NUDCD2: variants seen among roughly 807,000 people sequenced by gnomAD.
The protein encoded by NUDCD2 is NudC domain containing 2.
Under a neutral mutation model 20.8 loss-of-function variants are expected in NUDCD2, and 16 were observed. That is an observed-to-expected ratio of 0.77 (90% CI 0.52 to 1.17). The LOEUF is 1.17. Ranked by LOEUF, NUDCD2 falls within the 50% of genes most tolerant of loss-of-function variation. The probability of loss-of-function intolerance (pLI) is 0.00; values close to 1 mark genes in which losing one functional copy is unlikely to be tolerated. For missense variants in NUDCD2, 199 were observed against 193.9 expected (o/e 1.03, Z -0.16); for synonymous variants, 87 against 72.8 (o/e 1.20, Z -1.00).
rs771939872 is a variant in NUDCD2 at position 163,459,835 on chromosome 5, T to C, written c.189+27A>G. The C allele has an allele frequency of 1.5e-5, 23 of 1,569,658 alleles. No homozygotes were observed. In the Admixed American group the frequency reaches 4.1e-4, roughly 28 times the overall value. On this transcript the variant is annotated intron_variant, in intron 1 of 3. Transcript: ENST00000302764. Reference sequence around the variant, plus strand: ...CTGGGGGCGTCTGGGAAGAGGAAACTGAACACAAGCCCCGAGCTGCCGCTA... The same window carrying C: ...CTGGGGGCGTCTGGGAAGAGGAAACCGAACACAAGCCCCGAGCTGCCGCTA...
In NUDCD2 at chr5:163,452,922, T is replaced by C. The variant is rs1369636343; in HGVS notation, c.*1045A>G. 6.6e-6 allele frequency: 1 copy of C among 152,250 alleles called. No homozygotes were observed. Among genetic ancestry groups the C allele is most frequent in the Non-Finnish European group, 1.5e-5 (1 of 68,036 alleles). 9.4% of individuals were successfully genotyped at this position (152,250 alleles called of 1,614,324 possible). On this transcript the variant is annotated 3_prime_UTR_variant, in exon 4 of 4. Coordinates refer to ENST00000302764, the MANE Select transcript of NUDCD2 (RefSeq NM_145266.6). ...GACATCTAAATGAAAGGCATGATTCTGACTGGATCCTCTTGCTATATGGAC... is the reference window on the plus strand; with the variant it reads ...GACATCTAAATGAAAGGCATGATTCCGACTGGATCCTCTTGCTATATGGAC...
In NUDCD2 at chr5:163,453,750, C is replaced by T. The variant is rs746261541; in HGVS notation, c.*217G>A. On this transcript the variant is annotated 3_prime_UTR_variant, in exon 4 of 4. Coordinates refer to ENST00000302764, the MANE Select transcript of NUDCD2 (RefSeq NM_145266.6). ...TATAAAACTTCATGCTGAGCAAAAA[C>T]AAGTCCAAAACAACTTTACCATATA... 2.9e-6 allele frequency: 1 copy of T among 344,544 alleles called. No individual in the cohort carries two copies. The highest frequency in any genetic ancestry group is 5.3e-6 in the Non-Finnish European group (1 of 190,142). 21.3% of individuals were successfully genotyped at this position (344,544 alleles called of 1,614,324 possible). A position where few individuals can be genotyped will look rare whatever the true frequency, so the allele number is the denominator to read the frequency against.
chr5:163,453,354 C>A lies in NUDCD2; in HGVS notation c.*613G>T, dbSNP rs1461068330. 6.6e-6 allele frequency: 1 copy of A among 152,164 alleles called. No individual in the cohort carries two copies. The highest frequency in any genetic ancestry group is 2.4e-5 in the African/African-American group (1 of 41,426). 9.4% of individuals were successfully genotyped at this position (152,164 alleles called of 1,614,324 possible). A position where few individuals can be genotyped will look rare whatever the true frequency, so the allele number is the denominator to read the frequency against. On this transcript the variant is annotated 3_prime_UTR_variant, in exon 4 of 4. Transcript: ENST00000302764. Reference sequence around the variant, plus strand: ...AAAGGACTCACCTAATTACCATGATCACACTTCTCTTTTGTGTTAATCCAC... The same window carrying A: ...AAAGGACTCACCTAATTACCATGATAACACTTCTCTTTTGTGTTAATCCAC...
At chr5:163,455,967 G>A (rs1462896634) in intron 3 of NUDCD2, among the ~76,000 whole-genome samples, 1 of 152,158 alleles carries the variant, frequency 6.6e-6, no homozygotes, top group African/African-American at 2.4e-5. Flanking sequence ...TGAGAAAGAT[G>A]TAAGAATCAA....
rs1229688768 is a variant in NUDCD2, at chr5:163,448,567, T to C, written c.*5400A>G. The C allele has an allele frequency of 6.6e-6, 1 of 152,182 alleles. No homozygotes were observed. Among genetic ancestry groups the C allele is most frequent in the Admixed American group, 6.5e-5 (1 of 15,280 alleles). The allele number at this position is 152,182 out of a possible 1,614,324, so 9.4% of individuals were successfully genotyped here. A position where few individuals can be genotyped will look rare whatever the true frequency, so the allele number is the denominator to read the frequency against. On this transcript the variant is annotated 3_prime_UTR_variant, in exon 4 of 4. Transcript: ENST00000302764. ...CAAATTCATAAAACATTTAAAGATA[T>C]AACAAATTCTACAAATCTCTTCCAG...
At chr5:163,459,786 CA>C in intron 1 of NUDCD2, 75 bp downstream of exon 1, 5 of 1,360,494 alleles carry the variant, frequency 3.7e-6, no homozygotes, top group Non-Finnish European at 4.0e-6. Context: ...TCGGGACACC[CA>C]ACAGTCGTTC....
At position 163,460,010 on chromosome 5, in the gene NUDCD2, C is replaced by A; in HGVS notation, c.41G>T (p.Cys14Phe). The A allele has an allele frequency of 1.2e-6, 2 of 1,612,282 alleles. No individual in the cohort carries two copies. Among genetic ancestry groups the A allele is most frequent in the Non-Finnish European group, 8.5e-7 (1 of 1,179,202 alleles). ...GTACCACTGGCCCCACGGGGTCCCG[C>A]ACGGTACCACCCCACTCCGCTCCTC... is the stretch of plus-strand genomic sequence containing the variant. The part of the protein sequence containing the change: ...PFEERSGVVP[C>F]GTPWGQWYQT... The change falls in exon 1 of 4, where the codon TGC becomes TTC. Residue 14 changes from cysteine to phenylalanine, a missense_variant. Coordinates refer to ENST00000302764, the MANE Select transcript of NUDCD2 (RefSeq NM_145266.6).
chr5:163,450,693 G>A lies in NUDCD2; in HGVS notation c.*3274C>T, dbSNP rs1458821320. 3 of 152,178 alleles carry A rather than the reference G, an allele frequency of 2.0e-5. No individual in the cohort carries two copies. The highest frequency in any genetic ancestry group is 4.4e-5 in the Non-Finnish European group (3 of 68,036). 9.4% of individuals were successfully genotyped at this position (152,178 alleles called of 1,614,324 possible). A position where few individuals can be genotyped will look rare whatever the true frequency, so the allele number is the denominator to read the frequency against. Reference sequence around the variant, plus strand: ...GTATTGGCAAGGATGCAGAGAAAATGGAACCTGCATACACTGCTGGTGGGA... The same window carrying A: ...GTATTGGCAAGGATGCAGAGAAAATAGAACCTGCATACACTGCTGGTGGGA... On this transcript the variant is annotated 3_prime_UTR_variant, in exon 4 of 4. Coordinates refer to ENST00000302764, the MANE Select transcript of NUDCD2 (RefSeq NM_145266.6).
In NUDCD2 at chr5:163,457,031, T is replaced by C. The variant is rs150464483; in HGVS notation, c.288A>G (p.Ala96=). The C allele has an allele frequency of 1.5e-5, 25 of 1,613,534 alleles. No individual in the cohort carries two copies. Among genetic ancestry groups the C allele is most frequent in the Non-Finnish European group, 2.1e-5 (25 of 1,179,794 alleles). The change falls in exon 3 of 4, where the codon GCA becomes GCG. Residue 96 remains alanine (A), a synonymous_variant. Transcript: ENST00000302764. ...RIVLTKTKRD[A]ANCWTSLLES... is the part of the protein sequence containing the mutation. ...CTAGTAGAGAAGTCCAACAATTTGC[T>C]GCATCTCTCTTTGTCTTTGTAAGAA...
rs1421580094 is a variant in NUDCD2, at chr5:163,447,846, C to T, written c.*6121G>A. The T allele has an allele frequency of 6.6e-6, 1 of 152,152 alleles. No homozygotes were observed. Among genetic ancestry groups the T allele is most frequent in the African/African-American group, 2.4e-5 (1 of 41,434 alleles). 9.4% of individuals were successfully genotyped at this position (152,152 alleles called of 1,614,324 possible). On this transcript the variant is annotated 3_prime_UTR_variant, in exon 4 of 4. Transcript: ENST00000302764. Reference sequence around the variant, plus strand: ...ACACATTTCTAAATAACTCATGATACTACAGGGAAGTCTTAAAAAATATTT... The same window carrying T: ...ACACATTTCTAAATAACTCATGATATTACAGGGAAGTCTTAAAAAATATTT...
chr5:163,456,630 A>G (rs182138349), intron 3 of NUDCD2, among the ~76,000 whole-genome samples: 1 of 152,322 alleles, frequency 6.6e-6, no homozygotes. Flanking sequence ...TTCACTTTTT[A>G]CACTAGGTAA....
rs1394798682 is a variant in NUDCD2 at position 163,451,919 on chromosome 5, A to C, written c.*2048T>G. 1 of 152,212 alleles carries C rather than the reference A, an allele frequency of 6.6e-6. No individual in the cohort carries two copies. Among genetic ancestry groups the C allele is most frequent in the Non-Finnish European group, 1.5e-5 (1 of 68,110 alleles). 9.4% of individuals were successfully genotyped at this position (152,212 alleles called of 1,614,324 possible). ...AAATTAAAAATTAGCCAGGTGTGGCAGCGCATGCCTGTAATCCCAGCTACT... is the reference window on the plus strand; with the variant it reads ...AAATTAAAAATTAGCCAGGTGTGGCCGCGCATGCCTGTAATCCCAGCTACT... On this transcript the variant is annotated 3_prime_UTR_variant, in exon 4 of 4. Transcript: ENST00000302764.
intron 3 of NUDCD2, 81 bp from the exon 4 acceptor site, chr5:163,454,131 G>T: frequency 3.1e-6 from 2 of 640,540 alleles, no homozygotes; most frequent in Non-Finnish European, 5.1e-6. Context: ...GATAAAAAAG[G>T]ATATATAAAT....
intron 3 of NUDCD2, among the ~76,000 whole-genome samples, chr5:163,456,490 C>T (rs976934848): frequency 2.0e-5 from 3 of 151,784 alleles, no homozygotes; most frequent in Non-Finnish European, 4.4e-5. Context: ...AAAAAAGCAA[C>T]AAGAAGAACA....
chr5:163,459,848 C>T lies in NUDCD2; in HGVS notation c.189+14G>A, dbSNP rs1253484699. The stretch of plus-strand genomic sequence containing the variant: ...GGAAGAGGAAACTGAACACAAGCCC[C>T]GAGCTGCCGCTACCTTGAGGATCTC... On this transcript the variant is annotated intron_variant, in intron 1 of 3. Coordinates refer to ENST00000302764, the MANE Select transcript of NUDCD2 (RefSeq NM_145266.6). 3.2e-6 allele frequency: 5 copies of T among 1,586,892 alleles called. No homozygotes were observed. The highest frequency in any genetic ancestry group is 4.3e-6 in the Non-Finnish European group (5 of 1,167,292).
chr5:163,451,644 C>A lies in NUDCD2; in HGVS notation c.*2323G>T, dbSNP rs1270437275. On this transcript the variant is annotated 3_prime_UTR_variant, in exon 4 of 4. Coordinates refer to ENST00000302764, the MANE Select transcript of NUDCD2 (RefSeq NM_145266.6). ...AGGAATCACAGGGTGAATGGACTGC[C>A]ATGGCCTGGAGTGAGGTATTAGGGT... The A allele has an allele frequency of 2.0e-5, 3 of 152,316 alleles. No individual in the cohort carries two copies. The East Asian group carries it at 5.8e-4, about 29-fold the overall frequency. 9.4% of individuals were successfully genotyped at this position (152,316 alleles called of 1,614,324 possible).
rs190882275 is a variant in NUDCD2, at chr5:163,447,135, C to T, written c.*6832G>A. The T allele has an allele frequency of 6.6e-6, 1 of 152,008 alleles. No individual in the cohort carries two copies. Among genetic ancestry groups the T allele is most frequent in the Admixed American group, 6.5e-5 (1 of 15,268 alleles). The allele number at this position is 152,008 out of a possible 1,614,324, so 9.4% of individuals were successfully genotyped here. A position where few individuals can be genotyped will look rare whatever the true frequency, so the allele number is the denominator to read the frequency against. ...CAAGACAGTGCTAAAAGTGTAAGCA[C>T]TTATTATCAGATCTTAAAAATACAT... is the stretch of plus-strand genomic sequence containing the variant. On this transcript the variant is annotated 3_prime_UTR_variant, in exon 4 of 4. Transcript: ENST00000302764.
At position 163,450,222 on chromosome 5, in the gene NUDCD2, C is replaced by T. The variant is rs1433756180; in HGVS notation, c.*3745G>A. ...GTTGCAGTGAGTGGAGATTGTGCCA[C>T]TGCACCCCAGCCTGGGTGACAGAGT... is the stretch of plus-strand genomic sequence containing the variant. On this transcript the variant is annotated 3_prime_UTR_variant, in exon 4 of 4. Coordinates refer to ENST00000302764, the MANE Select transcript of NUDCD2 (RefSeq NM_145266.6). 6.6e-6 allele frequency: 1 copy of T among 152,224 alleles called. No individual in the cohort carries two copies. Among genetic ancestry groups the T allele is most frequent in the African/African-American group, 2.4e-5 (1 of 41,424 alleles). 9.4% of individuals were successfully genotyped at this position (152,224 alleles called of 1,614,324 possible).
intron 3 of NUDCD2, among the ~76,000 whole-genome samples, chr5:163,456,140 C>T (rs572209159): frequency 8.2e-4 from 124 of 151,910 alleles, no homozygotes; most frequent in Non-Finnish European, 1.7e-3. Flanking sequence ...AATAGGCAAC[C>T]GGGTATGCAG....
Sources: allele counts gnomAD v4.1 joint callset (sites outside exome capture counted in the v4.1 genomes callset), GRCh38; gene constraint gnomAD v4.1.1; transcripts MANE v1.5; gene names NCBI Gene and HGNC (gene_info 2026-07-23, HGNC 2026-07-21).